The following KDM6B variants were observed in gnomAD, a reference collection of about 807,000 sequenced individuals.
KDM6B encodes lysine-specific demethylase 6B.
In KDM6B, 22 loss-of-function variants were observed where a neutral mutation model predicts 150.4. The observed-to-expected ratio is 0.15, with a 90% CI of 0.10 to 0.21. KDM6B has a LOEUF of 0.21. KDM6B is among the 10% of genes least tolerant of loss of function. The pLI, the probability that KDM6B is intolerant of heterozygous loss-of-function variation, is 1.00. For synonymous variants in KDM6B, 1,148 were observed against 921.1 expected, an observed-to-expected ratio of 1.25 and a Z score of -4.46; for missense variants, 1,984 against 2,234.3, an observed-to-expected ratio of 0.89 and a Z score of 2.26.
chr17:7,835,991 G>C (rs2078328197), intron 1 of KDM6B, among the ~76,000 whole-genome samples: 1 of 152,228 alleles, frequency 6.6e-6, no homozygotes, highest in Non-Finnish European at 1.5e-5. Context: ...ACACTCCCAG[G>C]TGGGCTGGGC....
At position 7,846,063 on chromosome 17, in the gene KDM6B, C is replaced by CCCAAAGGG; in HGVS notation, c.237-14_237-13insCAAAGGGC. ...CCCAACCCCCACCCACACCCCCACCCCTTCTGCTCTGTAGGGCGCCCACTC... is the reference window on the plus strand; with the variant it reads ...CCCAACCCCCACCCACACCCCCACCCCCAAAGGGCTTCTGCTCTGTAGGGCGCCCACTC... On this transcript the variant is annotated splice_polypyrimidine_tract_variant and intron_variant, in intron 6 of 23. Coordinates refer to ENST00000448097, the MANE Select transcript of KDM6B (RefSeq NM_001348716.2). 1 of 1,577,174 alleles carries CCCAAAGGG rather than the reference C, an allele frequency of 6.3e-7. No homozygotes were observed. The highest frequency in any genetic ancestry group is 8.6e-7 in the Non-Finnish European group (1 of 1,158,724).
In KDM6B at chr17:7,843,517, AG is replaced by A. The variant is rs1204632293; in HGVS notation, c.-268-1382del. 6.6e-6 allele frequency among the ~76,000 whole-genome samples: 1 copy of A among 152,162 alleles called. No individual in the cohort carries two copies. The highest frequency in any genetic ancestry group is 1.5e-5 in the Non-Finnish European group (1 of 68,016). On this transcript the variant is annotated intron_variant, in intron 2 of 23. Transcript: ENST00000448097. The surrounding 1 kb of genome is among the most constrained non-coding windows in gnomAD (Gnocchi z 4.5). ...AACAAACGACCTTGCCCCTTCGGGA[AG>A]GAAGGCTCTTTTCACCAGAAACCCG...
rs1454523439 is a variant in KDM6B, at chr17:7,845,619, T to A, written c.65T>A (p.Leu22Gln). 1 of 1,614,170 alleles carries A rather than the reference T, an allele frequency of 6.2e-7. No homozygotes were observed. Among genetic ancestry groups the A allele is most frequent in the Non-Finnish European group, 8.5e-7 (1 of 1,180,022 alleles). ...AAREAFALGG[L>Q]SCAGAWSSCP... ...CGGGAAGCCTTTGCCCTTGGGGGCCTGAGCTGTGCTGGGGCCTGGAGCTCC... is the reference window on the plus strand; with the variant it reads ...CGGGAAGCCTTTGCCCTTGGGGGCCAGAGCTGTGCTGGGGCCTGGAGCTCC... Residue 22 changes from leucine to glutamine, a missense_variant, in exon 5 of 24, where the codon CTG becomes CAG. By Grantham distance (113) the Leu-to-Gln change is moderately radical. Coordinates refer to ENST00000448097, the MANE Select transcript of KDM6B (RefSeq NM_001348716.2).
chr17:7,854,667 T>G lies in KDM6B; in HGVS notation c.*1146T>G. Reference sequence around the variant, plus strand: ...CTGGGGCTGCGGAGGGGTGGGGGGTTTACAGTCCCGCACCCTCGCACTGCA... The same window carrying G: ...CTGGGGCTGCGGAGGGGTGGGGGGTGTACAGTCCCGCACCCTCGCACTGCA... On this transcript the variant is annotated 3_prime_UTR_variant, in exon 24 of 24. Transcript: ENST00000448097. 6.3e-6 allele frequency: 1 copy of G among 158,718 alleles called. No homozygotes were observed. The highest frequency in any genetic ancestry group is 1.4e-5 in the Non-Finnish European group (1 of 71,740). 9.8% of individuals were successfully genotyped at this position (158,718 alleles called of 1,614,324 possible).
Position 7,853,230 on chromosome 17 carries a change from G to C in KDM6B, c.4758G>C (p.Leu1586=), listed in dbSNP as rs754730114. 3.1e-6 allele frequency: 5 copies of C among 1,612,500 alleles called. No individual in the cohort carries two copies. The Admixed American group carries it at 8.4e-5, about 27-fold the overall frequency. ...NECDVEVFNI[L]FVTSENGSRN... ...CCCAGGTGGAGGTGTTTAACATCCT[G>C]TTCGTGACAAGTGAGAATGGCAGCC... The change falls in exon 23 of 24, where the codon CTG becomes CTC. Residue 1586 remains leucine (L), a synonymous_variant. Coordinates refer to ENST00000448097, the MANE Select transcript of KDM6B (RefSeq NM_001348716.2).
chr17:7,835,326 G>C (rs973109769), intron 1 of KDM6B, among the ~76,000 whole-genome samples: 1 of 152,162 alleles, frequency 6.6e-6, no homozygotes, highest in African/African-American at 2.4e-5. Context: ...GGGGGTTAGA[G>C]ACAGCGGAGG....
chr17:7,854,393 G>C lies in KDM6B; in HGVS notation c.*872G>C, dbSNP rs1207664391. The C allele has an allele frequency of 6.7e-6, 1 of 149,666 alleles. No homozygotes were observed. The highest frequency in any genetic ancestry group is 2.4e-5 in the African/African-American group (1 of 41,094). The allele number at this position is 149,666 out of a possible 1,614,324, so 9.3% of individuals were successfully genotyped here. On this transcript the variant is annotated 3_prime_UTR_variant, in exon 24 of 24. Coordinates refer to ENST00000448097, the MANE Select transcript of KDM6B (RefSeq NM_001348716.2). ...TACTGTAGGGGAAGAAGTGGGAACT[G>C]AAATGGTATTTTGTAAAAAAAATAA...
Position 7,834,219 on chromosome 17 carries a change from TTG to T in KDM6B, c.-515_-514del, listed in dbSNP as rs1240452919. On this transcript the variant is annotated 5_prime_UTR_variant, in exon 1 of 24. Transcript: ENST00000448097. ...GGCTGGGGAGCGGGGGTGCGGGTGT[TTG>T]TGTTGGAAAATCCAACTGCGCCACT... Among the ~76,000 whole-genome samples, 1 of 149,690 alleles carries T rather than the reference TTG, an allele frequency of 6.7e-6. No homozygotes were observed. Among genetic ancestry groups the T allele is most frequent in the Non-Finnish European group, 1.5e-5 (1 of 67,272 alleles).
intron 2 of KDM6B, chr17:7,840,368 TTGGTAGGGAAACAGC>T: frequency 6.6e-6 from 1 of 152,330 alleles, no homozygotes; most frequent in South Asian, 2.1e-4. Context: ...GAATTTTTTC[TTGGTAGGGAAACAGC>T]TTTGTCCCTA....
rs1298345182 is a variant in KDM6B, at chr17:7,843,007, G to T, written c.-268-1894G>T. Among the ~76,000 whole-genome samples the T allele has an allele frequency of 6.7e-6, 1 of 149,706 alleles. No homozygotes were observed. The highest frequency in any genetic ancestry group is 1.5e-5 in the Non-Finnish European group (1 of 67,986). ...GAGGGCTTTGTATTCTTGGGTGCTG[G>T]CGTGGGGCTTTGTGGATAAAGGTGG... On this transcript the variant is annotated intron_variant, in intron 2 of 23. Transcript: ENST00000448097. This position sits in a 1 kb window ranked among gnomAD's most constrained non-coding sequence, Gnocchi z 4.5.
In KDM6B at chr17:7,849,566, G is replaced by A. The variant is rs202119281; in HGVS notation, c.3278G>A (p.Arg1093His). 21 of 1,612,766 alleles carry A rather than the reference G, an allele frequency of 1.3e-5. No individual in the cohort carries two copies. In the East Asian group the frequency reaches 2.2e-4, roughly 17 times the overall value. ...AGCCGGGCCGACATGCTGAAGCTGC[G>A]CTCACTTAGTGAGGGGCCCCCCAAG... is the stretch of plus-strand genomic sequence containing the variant. Reference protein sequence around the residue: ...GVSRADMLKLRSLSEGPPKEL... With the variant: ...GVSRADMLKLHSLSEGPPKEL... The change falls in exon 12 of 24, where the codon CGC (arginine) becomes CAC (histidine). Residue 1093 changes from arginine (R) to histidine (H), a missense_variant. By Grantham distance (29) the Arg-to-His change is conservative. Coordinates refer to ENST00000448097, the MANE Select transcript of KDM6B (RefSeq NM_001348716.2).
Position 7,852,200 on chromosome 17 carries a change from C to T in KDM6B, c.4332C>T (p.Leu1444=). The T allele has an allele frequency of 1.2e-6, 2 of 1,614,174 alleles. No individual in the cohort carries two copies. Among genetic ancestry groups the T allele is most frequent in the South Asian group, 2.2e-5 (2 of 91,088 alleles). ...CCTGGTGGCCAATCCTGGATGATCT[C>T]TATGCATCCAATATTCCTGTGTACC... ...TGSWWPILDD[L]YASNIPVYRF... The change falls in exon 20 of 24, where the codon CTC becomes CTT. Residue 1444 remains leucine, a synonymous_variant. Coordinates refer to ENST00000448097, the MANE Select transcript of KDM6B (RefSeq NM_001348716.2).
chr17:7,849,271 G>A lies in KDM6B; in HGVS notation c.2983G>A (p.Gly995Ser), dbSNP rs1399646248. 6.4e-7 allele frequency: 1 copy of A among 1,556,184 alleles called. No individual in the cohort carries two copies. ...CAGGCGGGCCTGTAAGGACAGTGTGGGTCGTCGGCCCCGTGAGGGCAGGGC... is the reference window on the plus strand; with the variant it reads ...CAGGCGGGCCTGTAAGGACAGTGTGAGTCGTCGGCCCCGTGAGGGCAGGGC... ...RHRRACKDSV[G>S]RRPREGRAKA... The change falls in exon 12 of 24, where the codon GGT (glycine) becomes AGT (serine). Residue 995 changes from glycine (G) to serine (S), a missense_variant. Around this residue, in one of 13 missense-constraint regions of KDM6B, gnomAD observed 1,379 missense variants for 1,275.6 expected, o/e 1.08. Coordinates refer to ENST00000448097, the MANE Select transcript of KDM6B (RefSeq NM_001348716.2).
rs748325853 is a variant in KDM6B, at chr17:7,848,802, C to T, written c.2514C>T (p.Ser838=). 5.0e-6 allele frequency: 8 copies of T among 1,612,810 alleles called. No homozygotes were observed. The East Asian group carries it at 8.9e-5, about 18-fold the overall frequency. ...RPGPLPTTQY[S]PGPPSGATAL... ...GGCCCTTGCCCACCACTCAGTATTC[C>T]CCTGGCCCCCCATCAGGTGCTACCG... Residue 838 remains serine, a synonymous_variant, in exon 12 of 24, where the codon TCC becomes TCT. Coordinates refer to ENST00000448097, the MANE Select transcript of KDM6B (RefSeq NM_001348716.2).
chr17:7,835,093 A>C (rs1041496145), intron 1 of KDM6B, among the ~76,000 whole-genome samples: 4 of 151,750 alleles, frequency 2.6e-5, no homozygotes, highest in African/African-American at 9.7e-5. Context: ...CCCCGGTCCG[A>C]GGGAAAGGTA....
intron 2 of KDM6B, among the ~76,000 whole-genome samples, chr17:7,842,484 T>C (rs1597825687): frequency 6.6e-6 from 1 of 152,208 alleles, no homozygotes; most frequent in African/African-American, 2.4e-5. Context: ...TCTGTGGGTG[T>C]CAGTCTTTGT....
In KDM6B at chr17:7,841,274, A is replaced by G. The variant is rs188913560; in HGVS notation, c.-269+1250A>G. ...CAGGGAGCTCTGAGGATAAGCAGGG[A>G]TGTCGAGGGATGGGACAGAACTTGA... On this transcript the variant is annotated intron_variant, in intron 2 of 23. Coordinates refer to ENST00000448097, the MANE Select transcript of KDM6B (RefSeq NM_001348716.2). Among the ~76,000 whole-genome samples the G allele has an allele frequency of 2.8e-3, 434 of 152,314 alleles. 3 individuals are homozygous for G. Among genetic ancestry groups the G allele is most frequent in the African/African-American group, 9.9e-3 (412 of 41,546 alleles).
At chr17:7,839,603 G>A (rs930845837) in intron 1 of KDM6B, among the ~76,000 whole-genome samples, 2 of 152,252 alleles carry the variant, frequency 1.3e-5, no homozygotes, top group Non-Finnish European at 2.9e-5. Context: ...CAGCTGGGGC[G>A]ACTCAGGCCA....
chr17:7,853,552 CGCAA>C lies in KDM6B; in HGVS notation c.*33_*36del. The C allele has an allele frequency of 7.1e-7, 1 of 1,407,860 alleles. No individual in the cohort carries two copies. 87.2% of individuals were successfully genotyped at this position (1,407,860 alleles called of 1,614,324 possible). On this transcript the variant is annotated 3_prime_UTR_variant, in exon 24 of 24. Coordinates refer to ENST00000448097, the MANE Select transcript of KDM6B (RefSeq NM_001348716.2). ...GACGCCCCGCCCGCCTGCCTGCCCG[CGCAA>C]GGCGCCGCGGGGCCACCAGCACATG... is the stretch of plus-strand genomic sequence containing the variant.
Sources: gnomAD v4.1 joint callset for allele counts (sites outside exome capture counted in the v4.1 genomes callset) on GRCh38, gnomAD v4.1.1 for gene constraint, gnomAD v4.1.1 regional missense constraint, Gnocchi (gnomAD v3.1) non-coding constraint, MANE v1.5 for transcripts, NCBI Gene and HGNC (gene_info 2026-07-23, HGNC 2026-07-21) for gene names.